The following TRIOBP variants were observed in gnomAD, a reference collection of about 807,000 sequenced individuals.
The protein encoded by TRIOBP is TRIO and F-actin binding protein, also known as TRIO and F-actin-binding protein.
A neutral mutation model predicts 238.8 loss-of-function variants in TRIOBP; 169 were observed. That is an observed-to-expected ratio of 0.71 (90% CI 0.62 to 0.80). The LOEUF (loss-of-function observed/expected upper bound fraction) is 0.80, where lower values mean the gene tolerates loss of function less well. Ranked by LOEUF, TRIOBP falls within the 30% of genes least tolerant of loss-of-function variation. The probability of loss-of-function intolerance (pLI) is 0.00; values close to 1 mark genes in which losing one functional copy is unlikely to be tolerated. For synonymous variants in TRIOBP, 1,150 were observed against 1,274.4 expected (o/e 0.90, Z 2.08); for missense variants, 2,838 against 3,122.6 (o/e 0.91, Z 2.17).
At position 37,751,844 on chromosome 22, in the gene TRIOBP, C is replaced by T. The variant is rs1216251961; in HGVS notation, c.5379+16C>T. The T allele has an allele frequency of 2.2e-5, 36 of 1,609,908 alleles. No homozygotes were observed. Among genetic ancestry groups the T allele is most frequent in the Non-Finnish European group, 3.0e-5 (35 of 1,177,584 alleles). On this transcript the variant is annotated intron_variant, in intron 12 of 23. Coordinates refer to ENST00000644935, the MANE Select transcript of TRIOBP (RefSeq NM_001039141.3). ...GCCTGGAGAGGTAAGAGGACTGAGG[C>T]CGGAGGGGAGGAAGCTGGCTTGTGC...
Position 37,726,367 on chromosome 22 carries a change from A to G in TRIOBP, c.3811A>G (p.Thr1271Ala), listed in dbSNP as rs1253139834. ...GCACAACTTGGAGCGGGAGGAGTAC[A>G]CTGTGCTGGCCGACCTGCCCCCACC... is the stretch of plus-strand genomic sequence containing the variant. ...TRHNLEREEY[T>A]VLADLPPPRR... is the part of the protein sequence containing the mutation. The change falls in exon 7 of 24, where the codon ACT (threonine) becomes GCT (alanine). Residue 1271 changes from threonine (T) to alanine (A), a missense_variant. Thr to Ala is a moderately conservative substitution (Grantham distance 58). Transcript: ENST00000644935. 5 of 1,603,604 alleles carry G rather than the reference A, an allele frequency of 3.1e-6. No homozygotes were observed. The highest frequency in any genetic ancestry group is 2.7e-5 in the African/African-American group (2 of 74,872).
In TRIOBP at chr22:37,757,383, C is replaced by G. The variant is rs5756809; in HGVS notation, c.5688-230C>G. On this transcript the variant is annotated intron_variant, in intron 15 of 23. Coordinates refer to ENST00000644935, the MANE Select transcript of TRIOBP (RefSeq NM_001039141.3). ...GTCCCTTGAAAAACAAAAACAAGAA[C>G]GGGGGCGAGGGAAGCCGGGCATCCT... Among the ~76,000 whole-genome samples the G allele has an allele frequency of 0.97, 147,441 of 152,164 alleles. 71,469 individuals are homozygous for G. The highest frequency in any genetic ancestry group is 1 in the East Asian group (5,158 of 5,160).
chr22:37,738,800 G>A, intron 10 of TRIOBP, 81 bp downstream of exon 10: 1 of 1,449,308 alleles, frequency 6.9e-7, no homozygotes. Flanking sequence ...TTCCTCAGAA[G>A]AGCCCTAGAA....
intron 15 of TRIOBP, among the ~76,000 whole-genome samples, chr22:37,757,317 C>T (rs1218919434): frequency 6.6e-6 from 1 of 152,164 alleles, no homozygotes; most frequent in Non-Finnish European, 1.5e-5. Context: ...GAACTATGAT[C>T]ACACCACTCT....
chr22:37,720,500 G>T (rs5756794), intron 6 of TRIOBP, among the ~76,000 whole-genome samples: 54,313 of 151,826 alleles, frequency 0.36, 10,782 homozygotes, highest in East Asian at 0.6. Context: ...TCCCCTGAAG[G>T]CTGGGGGCAC....
chr22:37,750,633 C>G (rs1180601808), intron 11 of TRIOBP: 1 of 471,126 alleles, frequency 2.1e-6, no homozygotes, highest in South Asian at 1.5e-5. Flanking sequence ...GTGTCTCTCC[C>G]TTAGACAGGT....
intron 18 of TRIOBP, 134 bp downstream of exon 18, chr22:37,765,951 C>A: frequency 1.6e-6 from 2 of 1,249,518 alleles, no homozygotes; most frequent in Non-Finnish European, 2.2e-6. Context: ...AAAGGGTCAG[C>A]AGGTGTTAGA....
intron 3 of TRIOBP, among the ~76,000 whole-genome samples, chr22:37,706,701 T>C (rs1367810103): frequency 6.6e-6 from 1 of 151,358 alleles, no homozygotes; most frequent in African/African-American, 2.4e-5. Context: ...GGCAGGAGGA[T>C]TGTTTGAGCC....
chr22:37,722,485 G>T (rs1189840104), intron 6 of TRIOBP, among the ~76,000 whole-genome samples: 2 of 149,372 alleles, frequency 1.3e-5, no homozygotes, highest in Non-Finnish European at 3.0e-5. Flanking sequence ...CCAGCACTTT[G>T]GGAGGCCGAG....
At chr22:37,718,110 G>T (rs939213635) in intron 6 of TRIOBP, among the ~76,000 whole-genome samples, 2 of 152,172 alleles carry the variant, frequency 1.3e-5, no homozygotes, top group East Asian at 3.9e-4. Context: ...GCCCGGGGCC[G>T]GCAGGGCCAG....
At chr22:37,757,279 C>T (rs1020588207) in intron 15 of TRIOBP, among the ~76,000 whole-genome samples, 2 of 152,156 alleles carry the variant, frequency 1.3e-5, no homozygotes, top group Non-Finnish European at 2.9e-5. Flanking sequence ...AGGAGGATCA[C>T]TTGAGCTAAG....
intron 14 of TRIOBP, 145 bp from the exon 15 acceptor site, chr22:37,755,404 AG>A: frequency 1.1e-6 from 1 of 921,396 alleles, no homozygotes; most frequent in Non-Finnish European, 1.7e-6. Context: ...GGCCAATGGA[AG>A]GGAGGTTTTG....
chr22:37,755,242 C>T (rs753447770), intron 14 of TRIOBP, 52 bp downstream of exon 14: 3 of 1,563,094 alleles, frequency 1.9e-6, no homozygotes, highest in East Asian at 2.4e-5. Context: ...GGCTGGAGGT[C>T]CCTGGGGGAG....
At chr22:37,758,320 T>C (rs1029261189) in intron 16 of TRIOBP, among the ~76,000 whole-genome samples, 182 bp downstream of exon 16, 1 of 152,196 alleles carries the variant, frequency 6.6e-6, no homozygotes, top group Non-Finnish European at 1.5e-5. Context: ...CTTAGTAGTT[T>C]GGTTTGGTTT....
intron 11 of TRIOBP, among the ~76,000 whole-genome samples, chr22:37,745,856 G>C (rs1256242681): frequency 6.6e-6 from 1 of 152,140 alleles, no homozygotes; most frequent in African/African-American, 2.4e-5. Context: ...CATCGCTCCG[G>C]GGCCGGGTCG....
intron 10 of TRIOBP, among the ~76,000 whole-genome samples, chr22:37,739,459 G>C (rs950199141): frequency 6.6e-6 from 1 of 152,104 alleles, no homozygotes; most frequent in Non-Finnish European, 1.5e-5. Flanking sequence ...GGGCCCTGCC[G>C]TGAGTCAAAG....
rs35646436 is a variant in TRIOBP at position 37,722,427 on chromosome 22, C to CAAA, written c.629-743_629-741dup. 1.8e-4 allele frequency among the ~76,000 whole-genome samples: 17 copies of CAAA among 94,360 alleles called. No homozygotes were observed. In the South Asian group the frequency reaches 1.9e-3, roughly 11 times the overall value. 61.9% of individuals were successfully genotyped at this position (94,360 alleles called of 152,430 possible). A position where few individuals can be genotyped will look rare whatever the true frequency, so the allele number is the denominator to read the frequency against. The stretch of plus-strand genomic sequence containing the variant: ...TGGGTGACAGAACGAGACTCTGTCT[C>CAAA]AAAAAAAAAAAAAAAAAGGTCGGGC... On this transcript the variant is annotated intron_variant, in intron 6 of 23. Coordinates refer to ENST00000644935, the MANE Select transcript of TRIOBP (RefSeq NM_001039141.3).
At chr22:37,746,879 G>C (rs1413683785) in intron 11 of TRIOBP, among the ~76,000 whole-genome samples, 2 of 151,656 alleles carry the variant, frequency 1.3e-5, no homozygotes, top group Non-Finnish European at 2.9e-5. Context: ...GCCTGGGCAA[G>C]CCAGCCCTCC....
chr22:37,775,585 A>C lies in TRIOBP; in HGVS notation c.*1805A>C, dbSNP rs939396890. The stretch of plus-strand genomic sequence containing the variant: ...GGGATCACTTGAGGTCAGGAGTTCG[A>C]GACCAGCCTGGCCAACATGGTGAAA... On this transcript the variant is annotated 3_prime_UTR_variant, in exon 24 of 24. Coordinates refer to ENST00000644935, the MANE Select transcript of TRIOBP (RefSeq NM_001039141.3). 8 of 152,238 alleles carry C rather than the reference A, an allele frequency of 5.3e-5. No homozygotes were observed. Among genetic ancestry groups the C allele is most frequent in the African/African-American group, 1.9e-4 (8 of 41,448 alleles). The allele number at this position is 152,238 out of a possible 1,614,324, so 9.4% of individuals were successfully genotyped here.
Sources: allele counts gnomAD v4.1 joint callset (sites outside exome capture counted in the v4.1 genomes callset), GRCh38; gene constraint gnomAD v4.1.1; transcripts MANE v1.5; gene names NCBI Gene and HGNC (gene_info 2026-07-23, HGNC 2026-07-21).